Variants in KCNMA1 observed in about 807,000 individuals in gnomAD.
The protein encoded by KCNMA1 is potassium calcium-activated channel subfamily M alpha 1.
In KCNMA1, 29 loss-of-function variants were observed where a neutral mutation model predicts 140.0. The observed-to-expected ratio is 0.21, with a 90% confidence interval of 0.15 to 0.28. The LOEUF (loss-of-function observed/expected upper bound fraction) is 0.28, where lower values mean the gene tolerates loss of function less well. KCNMA1 is among the 10% of genes least tolerant of loss of function. KCNMA1 has a pLI of 1.00. For missense variants in KCNMA1, 880 were observed against 1,602.2 expected, an observed-to-expected ratio of 0.55 and a Z score of 7.70; for synonymous variants, 612 against 611.9, an observed-to-expected ratio of 1.00 and a Z score of 0.00.
intron 21 of KCNMA1, among the ~76,000 whole-genome samples, chr10:76,950,685 T>C (rs1438826515): frequency 1.3e-5 from 2 of 152,174 alleles, no homozygotes; most frequent in African/African-American, 2.4e-5. Flanking sequence ...GACCACTGCA[T>C]TGATTGTATA....
chr10:76,941,162 GGGAA>G (rs1174925352), intron 23 of KCNMA1, among the ~76,000 whole-genome samples: 49 of 80,124 alleles, frequency 6.1e-4, no homozygotes, highest in African/African-American at 6.7e-4. Flanking sequence ...AGGGAGGGAA[GGGAA>G]GGAAGGAAGG....
chr10:77,397,300 T>C (rs1270057810), intron 2 of KCNMA1, among the ~76,000 whole-genome samples: 1 of 152,158 alleles, frequency 6.6e-6, no homozygotes, highest in Admixed American at 6.5e-5. Context: ...TTAGACTGAG[T>C]CAGCAAACTA....
chr10:76,914,906 ACTC>A, intron 24 of KCNMA1, 27 bp downstream of exon 24: 4 of 1,482,482 alleles, frequency 2.7e-6, no homozygotes, highest in Non-Finnish European at 3.8e-6. Flanking sequence ...CAGAACAAAA[ACTC>A]CCCCCAAAGC....
intron 3 of KCNMA1, among the ~76,000 whole-genome samples, chr10:77,243,417 T>C (rs1464384493): frequency 6.6e-6 from 1 of 152,188 alleles, no homozygotes; most frequent in Non-Finnish European, 1.5e-5. Flanking sequence ...TCAGGCTTGT[T>C]GTAGAGGACA....
intron 2 of KCNMA1, among the ~76,000 whole-genome samples, chr10:77,266,555 A>C (rs187926807): frequency 6.6e-6 from 1 of 152,350 alleles, no homozygotes; most frequent in Non-Finnish European, 1.5e-5. Context: ...CATTTCAAGT[A>C]CACAGGGTAG....
At chr10:77,210,528 A>T (rs1425820415) in intron 3 of KCNMA1, among the ~76,000 whole-genome samples, 1 of 152,142 alleles carries the variant, frequency 6.6e-6, no homozygotes, top group African/African-American at 2.4e-5. Flanking sequence ...CGCTCTCATT[A>T]CTCCTATTCA....
intron 1 of KCNMA1, among the ~76,000 whole-genome samples, chr10:77,413,340 G>A (rs1048607668): frequency 1.2e-4 from 19 of 152,144 alleles, no homozygotes; most frequent in African/African-American, 4.1e-4. Flanking sequence ...AGCCCCGAAT[G>A]CTGGGGCTGG....
intron 1 of KCNMA1, among the ~76,000 whole-genome samples, chr10:77,621,516 G>A (rs567598196): frequency 6.3e-4 from 89 of 140,604 alleles, no homozygotes; most frequent in African/African-American, 2.2e-3. Context: ...TCACACATAC[G>A]TACATGTACA....
rs961715409 is a variant in KCNMA1 at position 77,012,266 on chromosome 10, C to T, written c.2016-223G>A. On this transcript the variant is annotated intron_variant, in intron 17 of 27. Transcript: ENST00000286628. ...TTGAGTTAGTGCTCCTTTTCATAAA[C>T]TTCCATTTACAAAGAAACTGGGAAA... The T allele has an allele frequency of 1.0e-5, 15 of 1,460,324 alleles. No individual in the cohort carries two copies. In the East Asian group the frequency reaches 3.5e-4, roughly 34 times the overall value. The allele number at this position is 1,460,324 out of a possible 1,614,324, so 90.5% of individuals were successfully genotyped here. A position where few individuals can be genotyped will look rare whatever the true frequency, so the allele number is the denominator to read the frequency against.
chr10:76,954,096 C>A (rs939929894), intron 20 of KCNMA1, among the ~76,000 whole-genome samples, 172 bp from the exon 21 acceptor site: 3 of 152,152 alleles, frequency 2.0e-5, no homozygotes, highest in African/African-American at 7.2e-5. Context: ...TGCCCCAAAC[C>A]ACCACCCCAC....
At chr10:77,545,315 A>G (rs1244090735) in intron 1 of KCNMA1, among the ~76,000 whole-genome samples, 1 of 152,224 alleles carries the variant, frequency 6.6e-6, no homozygotes, top group African/African-American at 2.4e-5. Context: ...AAATTTTTTC[A>G]TAGACTCATA....
At chr10:77,309,963 T>C (rs547111757) in intron 2 of KCNMA1, among the ~76,000 whole-genome samples, 25 of 152,286 alleles carry the variant, frequency 1.6e-4, no homozygotes, top group Non-Finnish European at 3.5e-4. Context: ...TCTTCTCTCT[T>C]CCAGCCTGGA....
Position 77,254,645 on chromosome 10 carries a change from A to G in KCNMA1, c.541-3389T>C, listed in dbSNP as rs559605540. 9.8e-4 allele frequency among the ~76,000 whole-genome samples: 150 copies of G among 152,352 alleles called. No individual in the cohort carries two copies. The Middle Eastern group carries it at 0.01, about 10-fold the overall frequency. ...AAATGAACTATTGCCTAGATGGATC[A>G]TTAGTAACTGGGTAAAGATAGAAAA... On this transcript the variant is annotated intron_variant, in intron 2 of 27. Coordinates refer to ENST00000286628, the MANE Select transcript of KCNMA1 (RefSeq NM_001161352.2).
intron 1 of KCNMA1, among the ~76,000 whole-genome samples, chr10:77,577,686 A>C (rs1052522168): frequency 2.0e-5 from 3 of 152,196 alleles, no homozygotes; most frequent in Non-Finnish European, 4.4e-5. Context: ...CATTGTGCAG[A>C]TGGGAAAACT....
At chr10:77,008,696 G>A (rs1260102347) in intron 18 of KCNMA1, among the ~76,000 whole-genome samples, 1 of 152,188 alleles carries the variant, frequency 6.6e-6, no homozygotes, top group Non-Finnish European at 1.5e-5. Context: ...TATGGGTAAG[G>A]GCCAGTGACT....
chr10:77,349,929 T>C (rs972595542), intron 2 of KCNMA1, among the ~76,000 whole-genome samples: 1 of 152,224 alleles, frequency 6.6e-6, no homozygotes. Context: ...AGTCTCGCTC[T>C]GTCACCCAGC....
intron 1 of KCNMA1, among the ~76,000 whole-genome samples, chr10:77,468,040 C>T (rs2098069860): frequency 2.6e-5 from 4 of 152,120 alleles, no homozygotes; most frequent in African/African-American, 9.7e-5. Flanking sequence ...CAGAGTCTCA[C>T]TCTGTCGCCC....
At chr10:77,549,854 G>T (rs2062344300) in intron 1 of KCNMA1, among the ~76,000 whole-genome samples, 1 of 152,232 alleles carries the variant, frequency 6.6e-6, no homozygotes, top group Admixed American at 6.5e-5. Context: ...AAATACGTGA[G>T]AAATTCTCCC....
intron 9 of KCNMA1, among the ~76,000 whole-genome samples, chr10:77,099,355 A>G (rs1480046755): frequency 6.6e-6 from 1 of 152,120 alleles, no homozygotes; most frequent in African/African-American, 2.4e-5. Flanking sequence ...GCCACACCCA[A>G]CGGTGTTGCC....
Sources: gnomAD v4.1 joint callset for allele counts (sites outside exome capture counted in the v4.1 genomes callset) on GRCh38, gnomAD v4.1.1 for gene constraint, MANE v1.5 for transcripts, NCBI Gene and HGNC (gene_info 2026-07-23, HGNC 2026-07-21) for gene names.